HMCN1: variants seen among roughly 807,000 people sequenced by gnomAD.
The protein encoded by HMCN1 is hemicentin-1.
In HMCN1, 321 loss-of-function variants were observed where a neutral mutation model predicts 625.9. The ratio of observed to expected loss-of-function variants is 0.51; its 90% confidence interval spans 0.47 to 0.56. HMCN1 has a LOEUF of 0.56. Ranked by LOEUF, HMCN1 falls within the 20% of genes least tolerant of loss-of-function variation. The pLI, the probability that HMCN1 is intolerant of heterozygous loss-of-function variation, is 0.00. For missense variants in HMCN1, 6,588 were observed against 6,887.3 expected (o/e 0.96, Z 1.54); for synonymous variants, 2,425 against 2,417.6 (o/e 1.00, Z -0.09).
chr1:186,130,920 A>G (rs1387214394), intron 85 of HMCN1, among the ~76,000 whole-genome samples: 1 of 152,196 alleles, frequency 6.6e-6, no homozygotes, highest in East Asian at 1.9e-4. Context: ...CTTATCATTG[A>G]CTTACTAATT....
intron 1 of HMCN1, among the ~76,000 whole-genome samples, chr1:185,738,299 A>G (rs1653736022): frequency 6.6e-6 from 1 of 152,186 alleles, no homozygotes; most frequent in Non-Finnish European, 1.5e-5. Context: ...TTCAGCTTTC[A>G]GTCTCCTATA....
chr1:185,970,564 G>GAA, intron 15 of HMCN1, 71 bp downstream of exon 15: 1 of 1,310,466 alleles, frequency 7.6e-7, no homozygotes, highest in Non-Finnish European at 1.1e-6. Flanking sequence ...TAATAACCTT[G>GAA]AAATGGTTTG....
chr1:185,775,879 A>G (rs779800896), intron 1 of HMCN1, among the ~76,000 whole-genome samples: 2 of 152,208 alleles, frequency 1.3e-5, no homozygotes, highest in African/African-American at 4.8e-5. Flanking sequence ...AAGCTTTAAC[A>G]TTGTTGAAAG....
At chr1:186,016,304 A>G (rs1264823925) in intron 32 of HMCN1, 65 bp downstream of exon 32, 2 of 1,473,660 alleles carry the variant, frequency 1.4e-6, no homozygotes, top group Non-Finnish European at 1.9e-6. Flanking sequence ...TTTGTTAAAT[A>G]CTTTTTTGTT....
chr1:185,923,177 T>C (rs971713972), intron 7 of HMCN1, among the ~76,000 whole-genome samples: 1 of 152,208 alleles, frequency 6.6e-6, no homozygotes, highest in Non-Finnish European at 1.5e-5. Context: ...CATGTAAACA[T>C]AGTTAAAATA....
chr1:185,990,321 G>A lies in HMCN1; in HGVS notation c.3255G>A (p.Lys1085=), dbSNP rs747763747. The stretch of plus-strand genomic sequence containing the variant: ...ATCAACGAGGACTGTCCCAGGATAA[G>A]CCTGTTGAGATCTCCGTCCTTGCAG... ...FGDQRGLSQD[K]PVEISVLAGE... Residue 1085 remains lysine (K), a synonymous_variant, in exon 22 of 107, where the codon AAG becomes AAA. Transcript: ENST00000271588. 24 of 1,613,914 alleles carry A rather than the reference G, an allele frequency of 1.5e-5. No homozygotes were observed. The African/African-American group carries it at 2.8e-4, about 19-fold the overall frequency.
chr1:186,130,743 C>T lies in HMCN1; in HGVS notation c.13230+46C>T, dbSNP rs774985069. On this transcript the variant is annotated intron_variant, in intron 85 of 106. Coordinates refer to ENST00000271588, the MANE Select transcript of HMCN1 (RefSeq NM_031935.3). ...TGATGCACCTTTAAACCCCCACAGC[C>T]AATACCCCTCTGTGAGTGCCATAGA... is the stretch of plus-strand genomic sequence containing the variant. 4.1e-5 allele frequency: 62 copies of T among 1,503,006 alleles called. No homozygotes were observed. In the Middle Eastern group the frequency reaches 7.0e-4, roughly 17 times the overall value. The allele number at this position is 1,503,006 out of a possible 1,614,324, so 93.1% of individuals were successfully genotyped here.
chr1:186,157,058 C>A lies in HMCN1; in HGVS notation c.15256+3071C>A, dbSNP rs531312761. Among the ~76,000 whole-genome samples, 7 of 152,128 alleles carry A rather than the reference C, an allele frequency of 4.6e-5. No homozygotes were observed. The East Asian group carries it at 1.2e-3, about 25-fold the overall frequency. ...TTAGCAATTCTAGTAGAAATGGGACCAAGGGAACCTATATTTTTAATAGGA... is the reference window on the plus strand; with the variant it reads ...TTAGCAATTCTAGTAGAAATGGGACAAAGGGAACCTATATTTTTAATAGGA... On this transcript the variant is annotated intron_variant, in intron 97 of 106. Transcript: ENST00000271588.
chr1:186,117,227 T>A, intron 76 of HMCN1, 112 bp downstream of exon 76: 1 of 1,444,210 alleles, frequency 6.9e-7, no homozygotes. Flanking sequence ...TTATTTTAAG[T>A]TCAGGGGTAC....
At chr1:186,090,716 T>C (rs766922026) in intron 63 of HMCN1, 42 bp from the exon 64 acceptor site, 18 of 1,603,998 alleles carry the variant, frequency 1.1e-5, no homozygotes, top group East Asian at 2.2e-5. Flanking sequence ...AGAATTTATA[T>C]CCTGTGTCTT....
At chr1:186,069,845 C>T (rs1658376829) in intron 51 of HMCN1, 69 bp downstream of exon 51, 1 of 933,542 alleles carries the variant, frequency 1.1e-6, no homozygotes, top group South Asian at 1.4e-5. Context: ...TCCTGTTTTT[C>T]ATTATGGGTT....
intron 54 of HMCN1, among the ~76,000 whole-genome samples, chr1:186,077,076 AC>A (rs1658867954): frequency 2.6e-5 from 4 of 152,250 alleles, no homozygotes; most frequent in Non-Finnish European, 5.9e-5. Context: ...AGATGTTTAA[AC>A]TGTTATGGAA....
intron 105 of HMCN1, among the ~76,000 whole-genome samples, chr1:186,184,130 A>G (rs531446962): frequency 6.6e-6 from 1 of 152,216 alleles, no homozygotes; most frequent in East Asian, 1.9e-4. Context: ...TGTGCTACAG[A>G]GAGTGGAAAA....
chr1:186,147,235 G>A (rs1404602231), intron 93 of HMCN1, among the ~76,000 whole-genome samples: 1 of 152,128 alleles, frequency 6.6e-6, no homozygotes, highest in Non-Finnish European at 1.5e-5. Context: ...GCTTAGTTAA[G>A]ACTTAAACTT....
chr1:186,113,556 A>G (rs1263979701), intron 72 of HMCN1, among the ~76,000 whole-genome samples: 2 of 152,178 alleles, frequency 1.3e-5, no homozygotes, highest in Non-Finnish European at 2.9e-5. Context: ...GAATTACATG[A>G]TTAATCACAG....
intron 40 of HMCN1, among the ~76,000 whole-genome samples, chr1:186,043,381 A>G (rs1221483117): frequency 1.3e-5 from 2 of 152,184 alleles, no homozygotes; most frequent in Non-Finnish European, 2.9e-5. Flanking sequence ...CCTTGGCTAT[A>G]ATTAGATTTG....
rs372715621 is a variant in HMCN1 at position 185,951,950 on chromosome 1, G to A, written c.1829-10568G>A. Among the ~76,000 whole-genome samples the A allele has an allele frequency of 8.6e-3, 1,299 of 151,788 alleles. 43 individuals carry two copies. The highest frequency in any genetic ancestry group is 0.03 in the African/African-American group (1,255 of 41,224). Reference sequence around the variant, plus strand: ...AATCCTGTTGTGGGGTTTGAGGGCCGGAATTTAATTTTTGGAGTTTTATTT... The same window carrying A: ...AATCCTGTTGTGGGGTTTGAGGGCCAGAATTTAATTTTTGGAGTTTTATTT... On this transcript the variant is annotated intron_variant, in intron 11 of 106. Coordinates refer to ENST00000271588, the MANE Select transcript of HMCN1 (RefSeq NM_031935.3).
chr1:186,073,143 C>T (rs978123479), intron 52 of HMCN1, among the ~76,000 whole-genome samples: 1 of 152,038 alleles, frequency 6.6e-6, no homozygotes, highest in African/African-American at 2.4e-5. Flanking sequence ...CAGGGTACTC[C>T]TGTATTTAAA....
rs1460007088 is a variant in HMCN1 at position 186,117,132 on chromosome 1, A to G, written c.11683+17A>G. 2 of 1,612,630 alleles carry G rather than the reference A, an allele frequency of 1.2e-6. No homozygotes were observed. The highest frequency in any genetic ancestry group is 2.7e-5 in the African/African-American group (2 of 74,880). Reference sequence around the variant, plus strand: ...CTGTCCAAGGTAGAATTGGCTTGGAACATGGATTGAAACATGATAATGCTA... The same window carrying G: ...CTGTCCAAGGTAGAATTGGCTTGGAGCATGGATTGAAACATGATAATGCTA... On this transcript the variant is annotated intron_variant, in intron 76 of 106. Coordinates refer to ENST00000271588, the MANE Select transcript of HMCN1 (RefSeq NM_031935.3).
Sources: gnomAD v4.1 joint callset for allele counts (sites outside exome capture counted in the v4.1 genomes callset) on GRCh38, gnomAD v4.1.1 for gene constraint, MANE v1.5 for transcripts, NCBI Gene and HGNC (gene_info 2026-07-23, HGNC 2026-07-21) for gene names.